HYDIN: variants seen among roughly 807,000 people sequenced by gnomAD.
HYDIN encodes the protein HYDIN axonemal central pair apparatus protein, also known as axonemal central pair apparatus protein HYDIN.
In HYDIN, 132 loss-of-function variants were observed where a neutral mutation model predicts 403.9. That is an observed-to-expected ratio of 0.33 (90% CI 0.28 to 0.38). The LOEUF (loss-of-function observed/expected upper bound fraction) is 0.38, where lower values mean the gene tolerates loss of function less well. Ranked by LOEUF, HYDIN falls within the 10% of genes least tolerant of loss-of-function variation. The pLI, the probability that HYDIN is intolerant of heterozygous loss-of-function variation, is 1.00. For synonymous variants in HYDIN, 1,202 were observed against 1,891.7 expected, an observed-to-expected ratio of 0.64 and a Z score of 9.46; for missense variants, 2,827 against 5,009.5, an observed-to-expected ratio of 0.56 and a Z score of 13.15.
Position 71,069,420 on chromosome 16 carries a change from G to C in HYDIN, c.1821C>G (p.Gly607=), listed in dbSNP as rs1351059516. Residue 607 remains glycine (G), a synonymous_variant, in exon 14 of 86, where the codon GGC becomes GGG. Transcript: ENST00000393567. The part of the protein sequence containing the change: ...MTYKLRIPGD[G]LGHKSISYCE... ...AATATGAAATGCTTTTATGGCCAAG[G>C]CCATCCCCAGGGATACGCAGTTTGT... is the stretch of plus-strand genomic sequence containing the variant. The C allele has an allele frequency of 1.2e-6, 2 of 1,614,158 alleles. No homozygotes were observed. Among genetic ancestry groups the C allele is most frequent in the Non-Finnish European group, 1.7e-6 (2 of 1,180,008 alleles).
chr16:71,186,553 A>G (rs1454959426), intron 2 of HYDIN, among the ~76,000 whole-genome samples: 2 of 152,168 alleles, frequency 1.3e-5, no homozygotes, highest in Non-Finnish European at 2.9e-5. Context: ...TAAGCAAATC[A>G]AGCCTCTACT....
At chr16:71,213,041 T>C (rs918639529) in intron 1 of HYDIN, among the ~76,000 whole-genome samples, 1 of 152,130 alleles carries the variant, frequency 6.6e-6, no homozygotes, top group African/African-American at 2.4e-5. Flanking sequence ...CATTCAAATG[T>C]AGTGAAAGGA....
intron 75 of HYDIN, among the ~76,000 whole-genome samples, chr16:70,842,429 A>G (rs548998206): frequency 1.3e-5 from 2 of 151,708 alleles, no homozygotes; most frequent in South Asian, 4.2e-4. Flanking sequence ...TTATCATTAT[A>G]AAATATCTTT....
intron 1 of HYDIN, among the ~76,000 whole-genome samples, chr16:71,196,900 C>T (rs1011651156): frequency 8.5e-5 from 13 of 152,306 alleles, no homozygotes; most frequent in African/African-American, 3.1e-4. Context: ...GAATAATCCA[C>T]CCCTTGTTTA....
At chr16:71,213,597 T>C (rs1241496187) in intron 1 of HYDIN, among the ~76,000 whole-genome samples, 2 of 152,182 alleles carry the variant, frequency 1.3e-5, no homozygotes, top group East Asian at 1.9e-4. Flanking sequence ...CAATAACATA[T>C]TGAAATATGT....
intron 8 of HYDIN, among the ~76,000 whole-genome samples, chr16:71,130,513 C>G (rs2084667444): frequency 7.9e-6 from 1 of 127,330 alleles, no homozygotes; most frequent in Non-Finnish European, 1.6e-5. Context: ...CGGAGTCTCG[C>G]TCTGTCGCCC....
intron 36 of HYDIN, among the ~76,000 whole-genome samples, chr16:70,967,814 A>T (rs914879932): frequency 2.6e-5 from 4 of 152,062 alleles, no homozygotes; most frequent in Admixed American, 2.6e-4. Context: ...CTCAAACTCA[A>T]TCCTCAAGCA....
Position 70,808,363 on chromosome 16 carries a change from T to A in HYDIN, c.14884-301A>T, listed in dbSNP as rs117683195. Among the ~76,000 whole-genome samples the A allele has an allele frequency of 4.5e-3, 680 of 152,262 alleles. 1 individual carries two copies. The highest frequency in any genetic ancestry group is 7.0e-3 in the Non-Finnish European group (475 of 68,006). On this transcript the variant is annotated intron_variant, in intron 85 of 85. Transcript: ENST00000393567. ...GATCCCCTATATTCGGTTCTTTCCT[T>A]CCATGTACATGGAAGACCAAACATT...
At chr16:70,865,068 T>G (rs909322252) in intron 67 of HYDIN, 1 of 194,606 alleles carries the variant, frequency 5.1e-6, no homozygotes, top group East Asian at 1.5e-4. Context: ...CACGATGAGT[T>G]GAATGAGCTA....
chr16:70,808,199 G>A (rs2035223366), intron 85 of HYDIN, 137 bp from the exon 86 acceptor site: 2 of 998,354 alleles, frequency 2.0e-6, no homozygotes, highest in Non-Finnish European at 2.9e-6. Flanking sequence ...ATAAAGTTGT[G>A]TCCTTATAAC....
intron 5 of HYDIN, among the ~76,000 whole-genome samples, chr16:71,174,798 A>G (rs1429664290): frequency 6.6e-6 from 1 of 152,090 alleles, no homozygotes; most frequent in Non-Finnish European, 1.5e-5. Context: ...CTCTTCTTAG[A>G]CTGCCTGTGA....
intron 31 of HYDIN, 78 bp from the exon 32 acceptor site, chr16:70,974,748 T>A: frequency 1.6e-6 from 1 of 635,762 alleles, no homozygotes; most frequent in Non-Finnish European, 2.8e-6. Flanking sequence ...AGTCTGATTT[T>A]TTTTTTCTAC....
At chr16:70,882,468 G>A (rs1378668779) in intron 60 of HYDIN, among the ~76,000 whole-genome samples, 192 bp downstream of exon 60, 47 of 152,274 alleles carry the variant, frequency 3.1e-4, no homozygotes, top group African/African-American at 8.9e-4. Context: ...AAAGGTACCC[G>A]GAGGAGACAC....
At chr16:71,106,486 C>A (rs1380492297) in intron 10 of HYDIN, among the ~76,000 whole-genome samples, 2 of 152,090 alleles carry the variant, frequency 1.3e-5, no homozygotes, top group Admixed American at 1.3e-4. Flanking sequence ...CAGTTTCCTC[C>A]ACTGAATTCT....
At chr16:71,062,517 G>C in intron 16 of HYDIN, 184 bp from the exon 17 acceptor site, 1 of 543,290 alleles carries the variant, frequency 1.8e-6, no homozygotes, top group East Asian at 3.1e-5. Context: ...TGGGATGTGC[G>C]TGAGGCCCAA....
rs142729569 is a variant in HYDIN, at chr16:71,193,809, TTTTC to T, written c.-23-6895_-23-6892del. Reference sequence around the variant, plus strand: ...CCCATCTCTATCATCTCTCTTTGCTTTTTCTTTATCTTAAATGTCTCAAAAAACT... The same window carrying T: ...CCCATCTCTATCATCTCTCTTTGCTTTTTATCTTAAATGTCTCAAAAAACT... On this transcript the variant is annotated intron_variant, in intron 1 of 85. Transcript: ENST00000393567. Among the ~76,000 whole-genome samples, 82 of 152,296 alleles carry T rather than the reference TTTTC, an allele frequency of 5.4e-4. 1 individual carries two copies. In the East Asian group the frequency reaches 0.015, roughly 28 times the overall value.
chr16:71,115,158 AT>A (rs1289754423), intron 10 of HYDIN, among the ~76,000 whole-genome samples: 19 of 151,326 alleles, frequency 1.3e-4, no homozygotes, highest in Admixed American at 1.2e-3. Flanking sequence ...GGGAAAGACT[AT>A]GTGGAGGTAA....
intron 1 of HYDIN, among the ~76,000 whole-genome samples, chr16:71,198,196 G>A (rs139257146): frequency 1.1e-3 from 172 of 152,282 alleles, no homozygotes; most frequent in African/African-American, 3.9e-3. Context: ...ATATACAGCT[G>A]TAGTCCATTT....
chr16:71,179,914 C>T (rs1016766969), intron 3 of HYDIN, among the ~76,000 whole-genome samples: 1 of 152,170 alleles, frequency 6.6e-6, no homozygotes, highest in African/African-American at 2.4e-5. Flanking sequence ...TTCACGGTTG[C>T]GCCCTGGGGC....
Sources: gnomAD v4.1 joint callset for allele counts (sites outside exome capture counted in the v4.1 genomes callset) on GRCh38, gnomAD v4.1.1 for gene constraint, MANE v1.5 for transcripts, NCBI Gene and HGNC (gene_info 2026-07-23, HGNC 2026-07-21) for gene names.